The following CDH18 variants were observed in gnomAD, a reference collection of about 807,000 sequenced individuals.
CDH18 encodes cadherin-18.
In CDH18, 31 loss-of-function variants were observed where a neutral mutation model predicts 67.9. The observed-to-expected ratio is 0.46, with a 90% CI of 0.34 to 0.62. The LOEUF (loss-of-function observed/expected upper bound fraction) is 0.62. Among genes scored for constraint, CDH18 ranks in the 20% least tolerant of loss-of-function variants. The pLI is 0.01. For synonymous variants in CDH18, 362 were observed against 347.2 expected (o/e 1.04, Z -0.48); for missense variants, 890 against 975.5 (o/e 0.91, Z 1.17).
chr5:20,504,810 C>A (rs905907312), intron 1 of CDH18, among the ~76,000 whole-genome samples: 1 of 134,712 alleles, frequency 7.4e-6, no homozygotes, highest in Non-Finnish European at 1.5e-5. Flanking sequence ...CTTTGTCACC[C>A]AGGCTGGAGT....
intron 7 of CDH18, among the ~76,000 whole-genome samples, chr5:19,585,970 A>G (rs1744075202): frequency 6.6e-6 from 1 of 152,040 alleles, no homozygotes; most frequent in East Asian, 1.9e-4. Context: ...CTGCTTGGGC[A>G]CTATTTTTAT....
intron 2 of CDH18, among the ~76,000 whole-genome samples, chr5:19,851,251 T>G (rs1218522521): frequency 1.3e-5 from 2 of 151,746 alleles, no homozygotes; most frequent in Non-Finnish European, 2.9e-5. Flanking sequence ...TTTAGAAGGT[T>G]TTTATATCGG....
At chr5:20,153,306 G>A (rs1022110839) in intron 2 of CDH18, among the ~76,000 whole-genome samples, 3 of 151,992 alleles carry the variant, frequency 2.0e-5, no homozygotes, top group African/African-American at 7.2e-5. Context: ...AGCTTCCCTG[G>A]AAGGACAATT....
intron 2 of CDH18, among the ~76,000 whole-genome samples, chr5:20,073,395 CT>C (rs2150528716): frequency 6.6e-6 from 1 of 152,052 alleles, no homozygotes; most frequent in East Asian, 1.9e-4. Context: ...TTTGCAGTTA[CT>C]GCCCCTTGAG....
intron 6 of CDH18, among the ~76,000 whole-genome samples, chr5:19,604,551 A>T (rs1747720725): frequency 1.3e-5 from 2 of 151,402 alleles, no homozygotes; most frequent in Non-Finnish European, 3.0e-5. Context: ...ACACACACAC[A>T]CACACACACA....
intron 5 of CDH18, among the ~76,000 whole-genome samples, chr5:19,661,542 GAT>G (rs1306224358): frequency 6.6e-6 from 1 of 151,736 alleles, no homozygotes; most frequent in Non-Finnish European, 1.5e-5. Context: ...TGCAAACAAA[GAT>G]AATTAGTAAA....
chr5:20,105,943 G>T (rs1746896431), intron 2 of CDH18, among the ~76,000 whole-genome samples: 1 of 152,108 alleles, frequency 6.6e-6, no homozygotes, highest in Non-Finnish European at 1.5e-5. Flanking sequence ...CGTCTATAGG[G>T]CTTGGAATAA....
chr5:19,534,207 C>T (rs1183591485), intron 9 of CDH18, among the ~76,000 whole-genome samples: 3 of 151,840 alleles, frequency 2.0e-5, no homozygotes, highest in Non-Finnish European at 4.4e-5. Context: ...TGTCCACATG[C>T]CTTTCATTTT....
intron 1 of CDH18, chr5:20,305,447 A>G: frequency 6.6e-7 from 1 of 1,508,570 alleles, no homozygotes; most frequent in Non-Finnish European, 9.2e-7. Context: ...GCTTTTGGCC[A>G]TGTTTTCGAA....
chr5:20,031,112 C>A (rs115242506), intron 2 of CDH18, among the ~76,000 whole-genome samples: 2 of 152,048 alleles, frequency 1.3e-5, no homozygotes, highest in African/African-American at 2.4e-5. Flanking sequence ...GCATGAACTG[C>A]GCCAGTGTTT....
At chr5:20,006,943 G>C (rs1736947602) in intron 2 of CDH18, among the ~76,000 whole-genome samples, 1 of 151,624 alleles carries the variant, frequency 6.6e-6, no homozygotes, top group Admixed American at 6.6e-5. Flanking sequence ...AAATTAAATA[G>C]GTCAATTTTC....
intron 5 of CDH18, among the ~76,000 whole-genome samples, chr5:19,698,841 C>CAT (rs1762859579): frequency 1.3e-5 from 2 of 152,028 alleles, no homozygotes. Context: ...GAATGATCAC[C>CAT]ATCTCAGGTT....
chr5:20,350,986 G>A (rs1196453306), intron 1 of CDH18, among the ~76,000 whole-genome samples: 4 of 151,204 alleles, frequency 2.6e-5, no homozygotes, highest in South Asian at 2.1e-4. Context: ...AAAAAAAAAA[G>A]GAGAACTTTT....
intron 1 of CDH18, among the ~76,000 whole-genome samples, chr5:20,431,128 A>G (rs1404691955): frequency 6.6e-6 from 1 of 152,160 alleles, no homozygotes; most frequent in Non-Finnish European, 1.5e-5. Flanking sequence ...GAAGTCTCTG[A>G]CAATCTCAGA....
intron 3 of CDH18, among the ~76,000 whole-genome samples, chr5:19,755,668 G>A (rs13189577): frequency 0.68 from 101,561 of 149,430 alleles, 40,002 homozygotes; most frequent in South Asian, 0.88. Flanking sequence ...TAACTCACAT[G>A]ATCACAACAT....
At chr5:19,804,926 G>GA (rs1305146071) in intron 3 of CDH18, among the ~76,000 whole-genome samples, 14 of 149,278 alleles carry the variant, frequency 9.4e-5, no homozygotes, top group African/African-American at 1.5e-4. Flanking sequence ...ATCAGCTATG[G>GA]AAAAAAATCA....
At chr5:20,541,873 C>T (rs1016027129) in intron 1 of CDH18, among the ~76,000 whole-genome samples, 1 of 152,192 alleles carries the variant, frequency 6.6e-6, no homozygotes, top group Non-Finnish European at 1.5e-5. Flanking sequence ...ATAGTTTCAA[C>T]TCCTAGGTTA....
intron 2 of CDH18, among the ~76,000 whole-genome samples, chr5:20,240,600 C>A (rs1742822755): frequency 6.6e-6 from 1 of 152,166 alleles, no homozygotes; most frequent in African/African-American, 2.4e-5. Context: ...ATAGTTCAGA[C>A]ATATTTTGAA....
At chr5:19,500,320 G>T (rs1743031858) in intron 11 of CDH18, among the ~76,000 whole-genome samples, 1 of 151,752 alleles carries the variant, frequency 6.6e-6, no homozygotes, top group Non-Finnish European at 1.5e-5. Flanking sequence ...ATCTATAATT[G>T]CTTTGTCTAT....
Sources: allele counts gnomAD v4.1 joint callset (sites outside exome capture counted in the v4.1 genomes callset), GRCh38; gene constraint gnomAD v4.1.1; transcripts MANE v1.5; gene names NCBI Gene and HGNC (gene_info 2026-07-23, HGNC 2026-07-21).